The following LRRC4B variants were observed in gnomAD, a reference collection of about 807,000 sequenced individuals.
LRRC4B encodes the protein leucine rich repeat containing 4B.
A neutral mutation model predicts 7.3 loss-of-function variants in LRRC4B; 1 was observed. The ratio of observed to expected loss-of-function variants is 0.14; its 90% CI spans 0.05 to 0.65. The LOEUF (loss-of-function observed/expected upper bound fraction) is 0.65, where lower values mean the gene tolerates loss of function less well. Ranked by LOEUF, LRRC4B falls within the 30% of genes least tolerant of loss-of-function variation. The probability of loss-of-function intolerance (pLI) is 0.84; values close to 1 mark genes in which losing one functional copy is unlikely to be tolerated. For missense variants in LRRC4B, 730 were observed against 1,041.6 expected, an observed-to-expected ratio of 0.70 and a Z score of 4.12; for synonymous variants, 500 against 499.2, an observed-to-expected ratio of 1.00 and a Z score of -0.02.
chr19:50,543,617 C>T (rs996080249), intron 2 of LRRC4B, among the ~76,000 whole-genome samples: 4 of 151,678 alleles, frequency 2.6e-5, no homozygotes, highest in African/African-American at 7.3e-5. Context: ...TTTGGGAGGC[C>T]GAGGTGGGCG....
rs144525005 is a variant in LRRC4B, at chr19:50,560,310, C to T, written c.-36+7634G>A. ...GATGAAGAATGAAGCCCCCTCCTCT[C>T]CTCTCCGGAGCTCTGTATAGGGGTG... On this transcript the variant is annotated intron_variant, in intron 1 of 2. Transcript: ENST00000652263. Among the ~76,000 whole-genome samples the T allele has an allele frequency of 5.3e-3, 801 of 152,234 alleles. 7 individuals are homozygous for T. The highest frequency in any genetic ancestry group is 0.018 in the African/African-American group (732 of 41,540).
rs188765394 is a variant in LRRC4B, at chr19:50,536,342, C to T, written c.297+12200G>A. ...AGAGATGGGGTTTCACTACGTTGGT[C>T]AGGCTGGTCTCAAGCTCCTGACCTC... On this transcript the variant is annotated intron_variant, in intron 2 of 2. Coordinates refer to ENST00000652263, the MANE Select transcript of LRRC4B (RefSeq NM_001080457.2). Among the ~76,000 whole-genome samples, 3 of 152,282 alleles carry T rather than the reference C, an allele frequency of 2.0e-5. No homozygotes were observed. In the East Asian group the frequency reaches 5.8e-4, roughly 29 times the overall value.
intron 2 of LRRC4B, among the ~76,000 whole-genome samples, chr19:50,538,760 G>A (rs1282431135): frequency 1.3e-5 from 2 of 151,472 alleles, no homozygotes; most frequent in Admixed American, 6.6e-5. Context: ...GTAGAGATGG[G>A]GTCTTGCTAT....
At chr19:50,533,271 A>G (rs1211201318) in intron 2 of LRRC4B, among the ~76,000 whole-genome samples, 1 of 151,942 alleles carries the variant, frequency 6.6e-6, no homozygotes, top group African/African-American at 2.4e-5. Flanking sequence ...TCTTCTTTGT[A>G]TTGACTGAAT....
chr19:50,525,319 G>T (rs1169637535), intron 2 of LRRC4B, among the ~76,000 whole-genome samples: 1 of 152,026 alleles, frequency 6.6e-6, no homozygotes, highest in East Asian at 1.9e-4. Flanking sequence ...TATCGTTATC[G>T]TTGGCGTTGA....
At chr19:50,528,644 C>A (rs375367129) in intron 2 of LRRC4B, among the ~76,000 whole-genome samples, 1 of 152,280 alleles carries the variant, frequency 6.6e-6, no homozygotes, top group African/African-American at 2.4e-5. Context: ...TGCGCCCGGC[C>A]GATTTTTTTC....
At chr19:50,524,053 TA>T (rs1401607622) in intron 2 of LRRC4B, among the ~76,000 whole-genome samples, 2 of 152,132 alleles carry the variant, frequency 1.3e-5, no homozygotes, top group East Asian at 3.8e-4. Flanking sequence ...TCTTGTGTGA[TA>T]TTTTTTCCTC....
In LRRC4B at chr19:50,520,203, C is replaced by CAAAAAAAAAAAAAAAA. The variant is rs1173919963; in HGVS notation, c.298-804_298-789dup. On this transcript the variant is annotated intron_variant, in intron 2 of 2. Transcript: ENST00000652263. ...CCTGGGCAATGAAGTAATACCCTGT[C>CAAAAAAAAAAAAAAAA]AAAAAAAAAAAAAAAAAAAAAAAAA... Among the ~76,000 whole-genome samples the CAAAAAAAAAAAAAAAA allele has an allele frequency of 1.6e-3, 15 of 9,374 alleles. 3 individuals are homozygous for CAAAAAAAAAAAAAAAA. Among genetic ancestry groups the CAAAAAAAAAAAAAAAA allele is most frequent in the Non-Finnish European group, 2.9e-3 (15 of 5,262 alleles). The allele number at this position is 9,374 out of a possible 152,430, so 6.1% of individuals were successfully genotyped here. A position where few individuals can be genotyped will look rare whatever the true frequency, so the allele number is the denominator to read the frequency against.
rs188030265 is a variant in LRRC4B at position 50,548,968 on chromosome 19, C to T, written c.-35-95G>A. 27 of 651,706 alleles carry T rather than the reference C, an allele frequency of 4.1e-5. No individual in the cohort carries two copies. In the East Asian group the frequency reaches 6.6e-4, roughly 16 times the overall value. 40.4% of individuals were successfully genotyped at this position (651,706 alleles called of 1,614,324 possible). ...CAACACCCAGGCAGCCCCATCGCCG[C>T]CTCCCTGCCCCATGCCCAGAACAAA... On this transcript the variant is annotated intron_variant, in intron 1 of 2. Coordinates refer to ENST00000652263, the MANE Select transcript of LRRC4B (RefSeq NM_001080457.2). This position sits in a 1 kb window ranked among gnomAD's most constrained non-coding sequence, Gnocchi z 6.8.
intron 2 of LRRC4B, among the ~76,000 whole-genome samples, chr19:50,543,050 G>A (rs1357555722): frequency 2.0e-5 from 3 of 151,886 alleles, no homozygotes; most frequent in East Asian, 3.9e-4. Flanking sequence ...GCAGGGATTC[G>A]CGTCGGCTCC....
chr19:50,548,728 A>G lies in LRRC4B; in HGVS notation c.111T>C (p.Gly37=), dbSNP rs1389684980. Reference sequence around the variant, plus strand: ...CAGACGTCACGGCCACTCCACCTCCACCGGCCCCCAGGGGTGGGGAGAAGA... The same window carrying G: ...CAGACGTCACGGCCACTCCACCTCCGCCGGCCCCCAGGGGTGGGGAGAAGA... ...LWLFSPPLGA[G]GGGVAVTSAA... is the part of the protein sequence containing the mutation. The change falls in exon 2 of 3, where the codon GGT becomes GGC. Residue 37 remains glycine, a synonymous_variant. Transcript: ENST00000652263. This position sits in a 1 kb window ranked among gnomAD's most constrained non-coding sequence, Gnocchi z 6.8. The G allele has an allele frequency of 1.3e-6, 2 of 1,540,416 alleles. No homozygotes were observed. Among genetic ancestry groups the G allele is most frequent in the East Asian group, 4.8e-5 (2 of 41,276 alleles).
chr19:50,552,046 G>C (rs1982089949), intron 1 of LRRC4B, among the ~76,000 whole-genome samples: 1 of 152,106 alleles, frequency 6.6e-6, no homozygotes, highest in Admixed American at 6.5e-5. Flanking sequence ...GGAAGGTCGG[G>C]GGAAGCGGGG....
chr19:50,545,280 G>A (rs972473982), intron 2 of LRRC4B, among the ~76,000 whole-genome samples: 1 of 151,740 alleles, frequency 6.6e-6, no homozygotes, highest in African/African-American at 2.4e-5. Flanking sequence ...GGTGGCACAT[G>A]CCTGTAATCC....
rs759754125 is a variant in LRRC4B, at chr19:50,548,278, G to A, written c.297+264C>T. ...TAGGCCGACCCGCCTGTCCTGTGCC[G>A]GGGGGGCTGGGCAGGTGGCCTGCAC... On this transcript the variant is annotated intron_variant, in intron 2 of 2. Transcript: ENST00000652263. This position sits in a 1 kb window ranked among gnomAD's most constrained non-coding sequence, Gnocchi z 6.8. 6.6e-6 allele frequency among the ~76,000 whole-genome samples: 1 copy of A among 152,194 alleles called. No individual in the cohort carries two copies. The highest frequency in any genetic ancestry group is 1.9e-4 in the East Asian group (1 of 5,178).
At position 50,548,268 on chromosome 19, in the gene LRRC4B, G is replaced by A. The variant is rs762838731; in HGVS notation, c.297+274C>T. Among the ~76,000 whole-genome samples, 3 of 152,242 alleles carry A rather than the reference G, an allele frequency of 2.0e-5. No homozygotes were observed. The highest frequency in any genetic ancestry group is 4.4e-5 in the Non-Finnish European group (3 of 68,032). On this transcript the variant is annotated intron_variant, in intron 2 of 2. Transcript: ENST00000652263. This position sits in a 1 kb window ranked among gnomAD's most constrained non-coding sequence, Gnocchi z 6.8. ...GGGCTCGGCCTAGGCCGACCCGCCT[G>A]TCCTGTGCCGGGGGGGCTGGGCAGG...
chr19:50,544,992 A>G (rs1489391522), intron 2 of LRRC4B, among the ~76,000 whole-genome samples: 3 of 151,968 alleles, frequency 2.0e-5, no homozygotes, highest in Non-Finnish European at 4.4e-5. Context: ...GGCGCCTGTA[A>G]TCCCAGCTAC....
chr19:50,564,687 G>A (rs1474784621), intron 1 of LRRC4B, among the ~76,000 whole-genome samples: 4 of 151,996 alleles, frequency 2.6e-5, no homozygotes, highest in Admixed American at 2.0e-4. Context: ...GTGACACCTC[G>A]AGACAGATGC....
chr19:50,567,883 AC>A (rs1405440698), intron 1 of LRRC4B, 60 bp downstream of exon 1: 2 of 35,432 alleles, frequency 5.6e-5, no homozygotes, highest in Non-Finnish European at 1.2e-4. Context: ...CCCCCCACCC[AC>A]CCCCCGCGGT....
At chr19:50,526,865 T>C (rs1980831609) in intron 2 of LRRC4B, among the ~76,000 whole-genome samples, 1 of 151,268 alleles carries the variant, frequency 6.6e-6, no homozygotes, top group South Asian at 2.1e-4. Flanking sequence ...ACTTTTTTTT[T>C]TTTTTTGAGA....
Sources: allele counts gnomAD v4.1 joint callset (sites outside exome capture counted in the v4.1 genomes callset), GRCh38; gene constraint gnomAD v4.1.1; non-coding constraint Gnocchi (gnomAD v3.1); transcripts MANE v1.5; gene names NCBI Gene and HGNC (gene_info 2026-07-23, HGNC 2026-07-21).